The following NRG3 variants were observed in gnomAD, a reference collection of about 807,000 sequenced individuals.
The protein encoded by NRG3 is pro-neuregulin-3, membrane-bound isoform.
In NRG3, 31 loss-of-function variants were observed where a neutral mutation model predicts 66.9. That is an observed-to-expected ratio of 0.46 (90% CI 0.35 to 0.63). The LOEUF (loss-of-function observed/expected upper bound fraction) is 0.63, where lower values mean the gene tolerates loss of function less well. Ranked by LOEUF, NRG3 falls within the 20% of genes least tolerant of loss-of-function variation. NRG3 has a pLI of 0.00. For synonymous variants in NRG3, 393 were observed against 359.4 expected (o/e 1.09, Z -1.06); for missense variants, 910 against 878.9 (o/e 1.04, Z -0.45).
At chr10:82,737,398 A>C (rs571716651) in intron 2 of NRG3, among the ~76,000 whole-genome samples, 2 of 152,322 alleles carry the variant, frequency 1.3e-5, no homozygotes, top group Admixed American at 6.5e-5. Flanking sequence ...TTAATAGCTT[A>C]TTACACTCAG....
At chr10:82,126,798 T>G (rs77636100) in intron 1 of NRG3, among the ~76,000 whole-genome samples, 2,625 of 152,108 alleles carry the variant, frequency 0.017, 90 homozygotes, top group African/African-American at 0.059. Flanking sequence ...CGTAAGTTCT[T>G]TGCAAATGAT....
intron 2 of NRG3, among the ~76,000 whole-genome samples, chr10:82,489,863 C>T (rs1358587676): frequency 1.3e-5 from 2 of 152,172 alleles, no homozygotes; most frequent in African/African-American, 2.4e-5. Flanking sequence ...TATACAGCTA[C>T]TAAGCAAGAT....
intron 5 of NRG3, among the ~76,000 whole-genome samples, chr10:82,957,799 G>A (rs1850205556): frequency 6.6e-6 from 1 of 151,998 alleles, no homozygotes; most frequent in South Asian, 2.1e-4. Flanking sequence ...TTCCTATATC[G>A]TGTGTATTCC....
chr10:82,098,953 G>A (rs2066550017), intron 1 of NRG3, among the ~76,000 whole-genome samples: 2 of 152,084 alleles, frequency 1.3e-5, no homozygotes, highest in Admixed American at 1.3e-4. Context: ...TTTTAGTAGA[G>A]ATGGGGTTTC....
In NRG3 at chr10:82,180,007, A is replaced by T. The variant is rs141933179; in HGVS notation, c.824-178732A>T. ...TTTATTATTTTTAATGCTATTGTAA[A>T]TGTAATTATTTTTTTAATTTTCTTT... On this transcript the variant is annotated intron_variant, in intron 1 of 8. Coordinates refer to ENST00000372141, the MANE Select transcript of NRG3 (RefSeq NM_001010848.4). Among the ~76,000 whole-genome samples the T allele has an allele frequency of 3.3e-5, 5 of 151,768 alleles. No individual in the cohort carries two copies. In the East Asian group the frequency reaches 9.7e-4, roughly 29 times the overall value.
chr10:82,388,054 G>A (rs936556995), intron 2 of NRG3, among the ~76,000 whole-genome samples: 2 of 152,070 alleles, frequency 1.3e-5, no homozygotes, highest in Non-Finnish European at 1.5e-5. Flanking sequence ...CTGTGACCCA[G>A]AAATTTCATT....
intron 3 of NRG3, among the ~76,000 whole-genome samples, chr10:82,812,982 T>C (rs1016185037): frequency 6.6e-6 from 1 of 152,190 alleles, no homozygotes; most frequent in African/African-American, 2.4e-5. Context: ...TTTTACATCT[T>C]GACATGTTGT....
rs1416927656 is a variant in NRG3 at position 82,617,190 on chromosome 10, CACACAA to C, written c.954-121375_954-121370del. Among the ~76,000 whole-genome samples, 11 of 150,234 alleles carry C rather than the reference CACACAA, an allele frequency of 7.3e-5. No homozygotes were observed. The South Asian group carries it at 1.7e-3, about 23-fold the overall frequency. On this transcript the variant is annotated intron_variant, in intron 2 of 8. Transcript: ENST00000372141. ...ACACAGACACACATACACATACACACACACAAACACAAACACACATCACACATATAC... is the reference window on the plus strand; with the variant it reads ...ACACAGACACACATACACATACACACACACAAACACACATCACACATATAC...
intron 1 of NRG3, among the ~76,000 whole-genome samples, chr10:82,306,577 G>A (rs1589664004): frequency 6.6e-6 from 1 of 151,836 alleles, no homozygotes; most frequent in African/African-American, 2.4e-5. Flanking sequence ...GGTGGTGGTC[G>A]TCTGTAGTCC....
At chr10:82,313,671 A>G (rs1180644941) in intron 1 of NRG3, among the ~76,000 whole-genome samples, 5 of 126,950 alleles carry the variant, frequency 3.9e-5, no homozygotes, top group Admixed American at 3.1e-4. Flanking sequence ...GTCAGATTCT[A>G]TGTGAATATG....
At chr10:82,489,717 A>G (rs1056953438) in intron 2 of NRG3, among the ~76,000 whole-genome samples, 5 of 152,216 alleles carry the variant, frequency 3.3e-5, no homozygotes, top group Non-Finnish European at 5.9e-5. Context: ...CACACTTGAT[A>G]TATGCCAGAC....
intron 1 of NRG3, among the ~76,000 whole-genome samples, chr10:82,184,405 AT>A (rs1392042101): frequency 6.6e-6 from 1 of 152,166 alleles, no homozygotes; most frequent in African/African-American, 2.4e-5. Flanking sequence ...GAAGGAGTCC[AT>A]TTAAAAGGGA....
intron 1 of NRG3, among the ~76,000 whole-genome samples, chr10:81,966,183 A>T (rs952829961): frequency 1.3e-5 from 2 of 151,808 alleles, no homozygotes; most frequent in African/African-American, 4.8e-5. Flanking sequence ...TTACATTAAT[A>T]TACAGCTAAA....
chr10:82,266,804 C>T (rs12768303), intron 1 of NRG3, among the ~76,000 whole-genome samples: 2,793 of 152,282 alleles, frequency 0.018, 42 homozygotes, highest in Non-Finnish European at 0.029. Flanking sequence ...GCCTCATTTC[C>T]CAGCAGTCAT....
At chr10:82,959,110 C>A in intron 6 of NRG3, 35 bp downstream of exon 6, 1 of 1,539,840 alleles carries the variant, frequency 6.5e-7, no homozygotes, top group South Asian at 1.3e-5. Context: ...CTCCTATAGC[C>A]TACCTCAGTG....
chr10:82,530,389 C>T (rs1190386074), intron 2 of NRG3, among the ~76,000 whole-genome samples: 1 of 151,860 alleles, frequency 6.6e-6, no homozygotes, highest in Non-Finnish European at 1.5e-5. Context: ...AATAAAAGAA[C>T]TTTGAAGAAA....
chr10:82,150,523 GCA>G (rs71007298), intron 1 of NRG3, among the ~76,000 whole-genome samples: 20,109 of 56,608 alleles, frequency 0.36, 4,176 homozygotes, highest in Non-Finnish European at 0.46. Context: ...AGCAAAAAGA[GCA>G]CACACAAAAA....
chr10:82,781,598 T>G (rs2060120311), intron 3 of NRG3, among the ~76,000 whole-genome samples: 2 of 152,152 alleles, frequency 1.3e-5, no homozygotes, highest in African/African-American at 4.8e-5. Context: ...CACATTTTTC[T>G]TGGGGTCAGC....
At chr10:82,252,995 A>G (rs2077557469) in intron 1 of NRG3, among the ~76,000 whole-genome samples, 1 of 152,076 alleles carries the variant, frequency 6.6e-6, no homozygotes, top group Admixed American at 6.6e-5. Flanking sequence ...GCATCCACAG[A>G]ATCACTTCAT....
Sources: gnomAD v4.1 joint callset for allele counts (sites outside exome capture counted in the v4.1 genomes callset) on GRCh38, gnomAD v4.1.1 for gene constraint, MANE v1.5 for transcripts, NCBI Gene and HGNC (gene_info 2026-07-23, HGNC 2026-07-21) for gene names.